The following PITPNM3 variants were observed in gnomAD, a reference collection of about 807,000 sequenced individuals.
The protein encoded by PITPNM3 is PITPNM family member 3, also known as membrane-associated phosphatidylinositol transfer protein 3.
In PITPNM3, 26 loss-of-function variants were observed where a neutral mutation model predicts 102.0. The observed-to-expected ratio is 0.25, with a 90% confidence interval of 0.19 to 0.35. The LOEUF is 0.35. PITPNM3 is among the 10% of genes least tolerant of loss of function. The probability of loss-of-function intolerance (pLI) is 1.00; values close to 1 mark genes in which losing one functional copy is unlikely to be tolerated. For missense variants in PITPNM3, 1,083 were observed against 1,346.1 expected, an observed-to-expected ratio of 0.80 and a Z score of 3.06; for synonymous variants, 578 against 558.6, an observed-to-expected ratio of 1.03 and a Z score of -0.49.
intron 1 of PITPNM3, 52 bp from the exon 2 acceptor site, chr17:6,538,134 G>A: frequency 7.1e-7 from 1 of 1,417,802 alleles, no homozygotes; most frequent in Non-Finnish European, 9.9e-7. Context: ...GTCCCAGTAT[G>A]AGGGAGGTGA....
intron 1 of PITPNM3, among the ~76,000 whole-genome samples, chr17:6,555,299 C>T (rs886862682): frequency 4.4e-4 from 67 of 152,224 alleles, no homozygotes; most frequent in African/African-American, 1.5e-3. Flanking sequence ...CACAGGGAGA[C>T]GGGTCCGCAG....
chr17:6,530,878 C>G (rs889889476), intron 2 of PITPNM3, among the ~76,000 whole-genome samples: 10 of 152,216 alleles, frequency 6.6e-5, no homozygotes, highest in African/African-American at 2.4e-4. Context: ...CCACAGCCAA[C>G]AGAGCCTTGC....
intron 3 of PITPNM3, among the ~76,000 whole-genome samples, chr17:6,518,870 G>A (rs1391478288): frequency 6.6e-6 from 1 of 152,164 alleles, no homozygotes; most frequent in Admixed American, 6.5e-5. Flanking sequence ...ATCCTAGGGC[G>A]AGGGCCATGT....
intron 1 of PITPNM3, among the ~76,000 whole-genome samples, chr17:6,551,337 C>T (rs148197834): frequency 0.012 from 1,811 of 151,042 alleles, 27 homozygotes; most frequent in African/African-American, 0.042. Context: ...ACTCCAGCTT[C>T]GGCGACAGAG....
In PITPNM3 at chr17:6,451,884, C is replaced by CTT. The variant is rs879195140; in HGVS notation, c.*3453_*3454insAA. 1.4e-4 allele frequency: 11 copies of CTT among 78,628 alleles called. 2 individuals carry two copies. Among genetic ancestry groups the CTT allele is most frequent in the African/African-American group, 5.3e-4 (9 of 16,826 alleles). 4.9% of individuals were successfully genotyped at this position (78,628 alleles called of 1,614,324 possible). ...CACTTGGCACCCAAACCCCCCCCCCCCGCCCGCCGATGGGATTCGGTGGGA... is the reference window on the plus strand; with the variant it reads ...CACTTGGCACCCAAACCCCCCCCCCCTTCGCCCGCCGATGGGATTCGGTGGGA... On this transcript the variant is annotated 3_prime_UTR_variant, in exon 20 of 20. Coordinates refer to ENST00000262483, the MANE Select transcript of PITPNM3 (RefSeq NM_031220.4).
At position 6,457,272 on chromosome 17, in the gene PITPNM3, G is replaced by A. The variant is rs369252466; in HGVS notation, c.2619+322C>T. ...ACCTTGCCCTGGAGTCTGGGTTAGC[G>A]GTCCCTCTCCAGGGCCCCACAGTTC... On this transcript the variant is annotated intron_variant, in intron 19 of 19. Transcript: ENST00000262483. This position sits in a 1 kb window ranked among gnomAD's most constrained non-coding sequence, Gnocchi z 4.7. Among the ~76,000 whole-genome samples the A allele has an allele frequency of 1.2e-4, 18 of 152,210 alleles. No individual in the cohort carries two copies. Among genetic ancestry groups the A allele is most frequent in the Non-Finnish European group, 2.4e-4 (16 of 68,020 alleles).
At chr17:6,497,380 G>A (rs929919492) in intron 4 of PITPNM3, among the ~76,000 whole-genome samples, 4 of 152,208 alleles carry the variant, frequency 2.6e-5, no homozygotes, top group Non-Finnish European at 2.9e-5. Flanking sequence ...GGTGAGCTGA[G>A]CCATCTACAT....
In PITPNM3 at chr17:6,461,416, G is replaced by A. The variant is rs1904445057; in HGVS notation, c.2447C>T (p.Pro816Leu). 5.6e-6 allele frequency: 9 copies of A among 1,614,170 alleles called. No homozygotes were observed. Among genetic ancestry groups the A allele is most frequent in the Middle Eastern group, 1.6e-4 (1 of 6,062 alleles). Residue 816 changes from proline (P) to leucine (L), a missense_variant, in exon 18 of 20, where the codon CCG becomes CTG. By Grantham distance (98) the Pro-to-Leu change is moderately conservative. This residue lies in a region of PITPNM3 where 410 missense variants were observed against 638.4 expected (regional missense o/e 0.64). Coordinates refer to ENST00000262483, the MANE Select transcript of PITPNM3 (RefSeq NM_031220.4). ...CAGGAAGATGGCCTTCTGCCGCAGC[G>A]GGTCATGCACCAGCCCATCGGAGAA... The part of the protein sequence containing the change: ...IFFSDGLVHD[P>L]LRQKAIFLRN...
In PITPNM3 at chr17:6,461,272, C is replaced by T. The variant is rs551551501; in HGVS notation, c.2490+101G>A. 4 of 1,383,474 alleles carry T rather than the reference C, an allele frequency of 2.9e-6. No individual in the cohort carries two copies. The South Asian group carries it at 4.7e-5, about 16-fold the overall frequency. The allele number at this position is 1,383,474 out of a possible 1,614,324, so 85.7% of individuals were successfully genotyped here. On this transcript the variant is annotated intron_variant, in intron 18 of 19. Transcript: ENST00000262483. ...CCACGGGAATGGGATTTACAGACTG[C>T]ACATCACAAGGCCCCACCCGGGAGG... is the stretch of plus-strand genomic sequence containing the variant.
At position 6,468,370 on chromosome 17, in the gene PITPNM3, C is replaced by G; in HGVS notation, c.1774-29G>C. On this transcript the variant is annotated intron_variant, in intron 13 of 19. Transcript: ENST00000262483. This position sits in a 1 kb window ranked among gnomAD's most constrained non-coding sequence, Gnocchi z 5.2. ...GCCAAGAGCCGAGCAGGGCCCCGGT[C>G]AGGTCTTCTGGCTTCTCTGCTTCCC... 1 of 1,608,600 alleles carries G rather than the reference C, an allele frequency of 6.2e-7. No individual in the cohort carries two copies. Among genetic ancestry groups the G allele is most frequent in the Non-Finnish European group, 8.5e-7 (1 of 1,175,266 alleles).
rs749988323 is a variant in PITPNM3 at position 6,470,451 on chromosome 17, G to A, written c.1625-43C>T. On this transcript the variant is annotated intron_variant, in intron 12 of 19. Coordinates refer to ENST00000262483, the MANE Select transcript of PITPNM3 (RefSeq NM_031220.4). The surrounding 1 kb of genome is among the most constrained non-coding windows in gnomAD (Gnocchi z 4.8). ...AGGTGAGGATGCGTGGCCGGCCCGGGGCCTCACCCGAGGGGCAGCGGGGTC... is the reference window on the plus strand; with the variant it reads ...AGGTGAGGATGCGTGGCCGGCCCGGAGCCTCACCCGAGGGGCAGCGGGGTC... The A allele has an allele frequency of 8.1e-6, 13 of 1,613,352 alleles. No individual in the cohort carries two copies. Among genetic ancestry groups the A allele is most frequent in the Non-Finnish European group, 1.1e-5 (13 of 1,179,796 alleles).
At chr17:6,549,354 G>A (rs926141438) in intron 1 of PITPNM3, among the ~76,000 whole-genome samples, 1 of 152,246 alleles carries the variant, frequency 6.6e-6, no homozygotes, top group Non-Finnish European at 1.5e-5. Context: ...GACCACACAG[G>A]CTTCCAGCCT....
intron 3 of PITPNM3, among the ~76,000 whole-genome samples, chr17:6,505,506 C>T (rs1014205549): frequency 6.6e-6 from 1 of 152,150 alleles, no homozygotes; most frequent in African/African-American, 2.4e-5. Flanking sequence ...CCACACAGCA[C>T]AATAGGATGG....
intron 6 of PITPNM3, chr17:6,481,778 A>G (rs1905689089): frequency 6.7e-6 from 1 of 150,054 alleles, no homozygotes; most frequent in Non-Finnish European, 1.5e-5. Flanking sequence ...ATAGATAGAT[A>G]GATAATGGAT....
chr17:6,466,596 G>C (rs1350817827), intron 14 of PITPNM3, among the ~76,000 whole-genome samples: 2 of 152,162 alleles, frequency 1.3e-5, no homozygotes, highest in African/African-American at 4.8e-5. Flanking sequence ...GATAATAACA[G>C]GGGTTGCTGA....
chr17:6,458,589 T>C lies in PITPNM3; in HGVS notation c.2491-867A>G, dbSNP rs1328033033. Among the ~76,000 whole-genome samples the C allele has an allele frequency of 6.6e-6, 1 of 152,094 alleles. No individual in the cohort carries two copies. Among genetic ancestry groups the C allele is most frequent in the Non-Finnish European group, 1.5e-5 (1 of 68,026 alleles). ...GCCCCTCTAACTGTGAACTTCCACA[T>C]GTCCGCTCCGCTCAGGGCTTCTGCC... On this transcript the variant is annotated intron_variant, in intron 18 of 19. Transcript: ENST00000262483. The surrounding 1 kb of genome is among the most constrained non-coding windows in gnomAD (Gnocchi z 5.1).
Position 6,464,592 on chromosome 17 carries a change from T to A in PITPNM3, c.2007+63A>T, listed in dbSNP as rs1487496185. On this transcript the variant is annotated intron_variant, in intron 15 of 19. Coordinates refer to ENST00000262483, the MANE Select transcript of PITPNM3 (RefSeq NM_031220.4). ...TGACACCCTCACCCCACACGCTATG[T>A]GGCTCCATGAGGCACCTGGTGCAGG... The A allele has an allele frequency of 1.0e-5, 15 of 1,493,456 alleles. No homozygotes were observed. The East Asian group carries it at 3.2e-4, about 32-fold the overall frequency. 92.5% of individuals were successfully genotyped at this position (1,493,456 alleles called of 1,614,324 possible). A position where few individuals can be genotyped will look rare whatever the true frequency, so the allele number is the denominator to read the frequency against.
At chr17:6,512,571 A>G (rs1907927189) in intron 3 of PITPNM3, among the ~76,000 whole-genome samples, 1 of 152,192 alleles carries the variant, frequency 6.6e-6, no homozygotes, top group Non-Finnish European at 1.5e-5. Flanking sequence ...CTAGGGGTCT[A>G]GAAATGTGAC....
At position 6,556,326 on chromosome 17, in the gene PITPNM3, C is replaced by T; in HGVS notation, c.22+59G>A. On this transcript the variant is annotated intron_variant, in intron 1 of 19. Transcript: ENST00000262483. This position sits in a 1 kb window ranked among gnomAD's most constrained non-coding sequence, Gnocchi z 5.2. ...TTCACCTGGGCCGGCGGCCCCTCCTCTAGACGCGCGAGTCCCTCCCCCGGG... is the reference window on the plus strand; with the variant it reads ...TTCACCTGGGCCGGCGGCCCCTCCTTTAGACGCGCGAGTCCCTCCCCCGGG... The T allele has an allele frequency of 7.3e-7, 1 of 1,374,738 alleles. No individual in the cohort carries two copies. Among genetic ancestry groups the T allele is most frequent in the Non-Finnish European group, 9.5e-7 (1 of 1,050,372 alleles). 85.2% of individuals were successfully genotyped at this position (1,374,738 alleles called of 1,614,324 possible).
Sources: allele counts gnomAD v4.1 joint callset (sites outside exome capture counted in the v4.1 genomes callset), GRCh38; gene constraint gnomAD v4.1.1; regional missense constraint gnomAD v4.1.1; non-coding constraint Gnocchi (gnomAD v3.1); transcripts MANE v1.5; gene names NCBI Gene and HGNC (gene_info 2026-07-23, HGNC 2026-07-21).